The following CHMP5 variants were observed in gnomAD, a reference collection of about 807,000 sequenced individuals.
CHMP5 encodes the protein charged multivesicular body protein 5.
A neutral mutation model predicts 33.0 loss-of-function variants in CHMP5; 17 were observed. The ratio of observed to expected loss-of-function variants is 0.52; its 90% confidence interval spans 0.35 to 0.77. CHMP5 has a LOEUF of 0.77. Among genes scored for constraint, CHMP5 ranks in the 30% least tolerant of loss-of-function variants. The pLI is 0.01. For synonymous variants in CHMP5, 76 were observed against 90.2 expected (o/e 0.84, Z 0.89); for missense variants, 216 against 261.5 (o/e 0.83, Z 1.20).
intron 7 of CHMP5, 102 bp from the exon 8 acceptor site, chr9:33,280,706 AT>A: frequency 5.4e-6 from 6 of 1,104,562 alleles, no homozygotes; most frequent in Non-Finnish European, 7.9e-6. Context: ...GTTTTGATTG[AT>A]TAAATACTTG....
At chr9:33,266,620 A>T (rs1326120006) in intron 2 of CHMP5, among the ~76,000 whole-genome samples, 3 of 152,222 alleles carry the variant, frequency 2.0e-5, no homozygotes, top group Non-Finnish European at 4.4e-5. Context: ...CTGGGGATTG[A>T]TCTGGTGGAA....
chr9:33,271,373 G>A (rs1315878099), intron 5 of CHMP5, 150 bp downstream of exon 5: 24 of 653,890 alleles, frequency 3.7e-5, no homozygotes, highest in Non-Finnish European at 5.7e-5. Flanking sequence ...GGTACCAAAT[G>A]TCTCAGTTTC....
At position 33,266,226 on chromosome 9, in the gene CHMP5, ACTTTGGGAGG is replaced by A; in HGVS notation, c.174+115_174+124del. On this transcript the variant is annotated intron_variant, in intron 2 of 7. Coordinates refer to ENST00000223500, the MANE Select transcript of CHMP5 (RefSeq NM_016410.6). ...AGTGGCTCATGCATGTAATCCCAGC[ACTTTGGGAGG>A]CTGAGGCGGGTGGATCACGAGGTCA... The A allele has an allele frequency of 5.0e-6, 3 of 598,462 alleles. No homozygotes were observed. In the South Asian group the frequency reaches 5.5e-5, roughly 11 times the overall value. 37.1% of individuals were successfully genotyped at this position (598,462 alleles called of 1,614,324 possible).
At chr9:33,279,715 T>A (rs758158017) in intron 7 of CHMP5, among the ~76,000 whole-genome samples, 9 of 151,550 alleles carry the variant, frequency 5.9e-5, no homozygotes, top group Admixed American at 5.9e-4. Flanking sequence ...TATAAAAAAT[T>A]AGCTGGGCGT....
At chr9:33,279,034 G>A (rs1820888506) in intron 7 of CHMP5, among the ~76,000 whole-genome samples, 1 of 151,962 alleles carries the variant, frequency 6.6e-6, no homozygotes, top group Non-Finnish European at 1.5e-5. Context: ...AGCAATCCTC[G>A]TGCCTCAGCC....
At chr9:33,266,143 G>C (rs760160005) in intron 2 of CHMP5, 29 bp downstream of exon 2, 4 of 1,494,008 alleles carry the variant, frequency 2.7e-6, no homozygotes, top group Non-Finnish European at 3.7e-6. Flanking sequence ...GCTGCACAAG[G>C]TGCTGGCAGA....
chr9:33,266,529 T>C (rs1054188842), intron 2 of CHMP5, among the ~76,000 whole-genome samples: 44 of 152,128 alleles, frequency 2.9e-4, no homozygotes, highest in African/African-American at 9.7e-4. Context: ...ACAGAAGAGA[T>C]GCTTACAGTC....
chr9:33,281,102 G>T lies in CHMP5; in HGVS notation c.*243G>T. On this transcript the variant is annotated 3_prime_UTR_variant, in exon 8 of 8. Transcript: ENST00000223500. ...CGAACTCAGTTTAAAAGTATTTTTAGCTCGTATGACTTGTTTTCATTCATT... is the reference window on the plus strand; with the variant it reads ...CGAACTCAGTTTAAAAGTATTTTTATCTCGTATGACTTGTTTTCATTCATT... 1 of 415,986 alleles carries T rather than the reference G, an allele frequency of 2.4e-6. No individual in the cohort carries two copies. 25.8% of individuals were successfully genotyped at this position (415,986 alleles called of 1,614,324 possible). A position where few individuals can be genotyped will look rare whatever the true frequency, so the allele number is the denominator to read the frequency against.
chr9:33,265,291 C>T (rs1163762375), intron 1 of CHMP5, 144 bp downstream of exon 1: 1 of 755,912 alleles, frequency 1.3e-6, no homozygotes, highest in Non-Finnish European at 2.3e-6. Context: ...CACCTTCTCC[C>T]CTTCATCCCT....
chr9:33,277,424 G>A (rs1308320385), intron 6 of CHMP5, among the ~76,000 whole-genome samples: 1 of 152,106 alleles, frequency 6.6e-6, no homozygotes, highest in Non-Finnish European at 1.5e-5. Flanking sequence ...CATACTAAGG[G>A]ACTCTAACCT....
At chr9:33,265,411 C>T (rs994686752) in intron 1 of CHMP5, among the ~76,000 whole-genome samples, 1 of 152,102 alleles carries the variant, frequency 6.6e-6, no homozygotes, top group African/African-American at 2.4e-5. Flanking sequence ...TCCACTCGCT[C>T]TCGCCTTGAT....
At chr9:33,268,518 G>A (rs775571767) in intron 3 of CHMP5, among the ~76,000 whole-genome samples, 2 of 152,172 alleles carry the variant, frequency 1.3e-5, no homozygotes, top group African/African-American at 2.4e-5. Context: ...TAGCTATCGA[G>A]GAGCCAGAAA....
rs189908592 is a variant in CHMP5 at position 33,276,715 on chromosome 9, C to A, written c.496+151C>A. 3.2e-5 allele frequency: 19 copies of A among 589,880 alleles called. No homozygotes were observed. In the Admixed American group the frequency reaches 3.8e-4, roughly 12 times the overall value. 36.5% of individuals were successfully genotyped at this position (589,880 alleles called of 1,614,324 possible). A position where few individuals can be genotyped will look rare whatever the true frequency, so the allele number is the denominator to read the frequency against. ...GTCCCTGGGCAAAGAGCTTGTGAGG[C>A]AGCCACATCAGATTGCATACTCCAC... On this transcript the variant is annotated intron_variant, in intron 6 of 7. Coordinates refer to ENST00000223500, the MANE Select transcript of CHMP5 (RefSeq NM_016410.6).
intron 5 of CHMP5, among the ~76,000 whole-genome samples, chr9:33,274,453 C>G (rs548801591): frequency 1.3e-5 from 2 of 152,280 alleles, no homozygotes; most frequent in East Asian, 1.9e-4. Flanking sequence ...TTTATCAACA[C>G]TAGTTCTGTT....
intron 6 of CHMP5, among the ~76,000 whole-genome samples, chr9:33,276,932 G>A (rs1039404837): frequency 2.0e-5 from 3 of 151,978 alleles, no homozygotes; most frequent in African/African-American, 4.8e-5. Flanking sequence ...TTAGGGCCAG[G>A]TGCCCTAATC....
intron 2 of CHMP5, among the ~76,000 whole-genome samples, chr9:33,266,469 C>G (rs934512331): frequency 4.0e-5 from 6 of 151,582 alleles, no homozygotes; most frequent in Admixed American, 2.0e-4. Context: ...GAGACTCCGT[C>G]TCAAAAAATA....
chr9:33,277,363 A>C (rs746600261), intron 6 of CHMP5, among the ~76,000 whole-genome samples: 1 of 152,178 alleles, frequency 6.6e-6, no homozygotes, highest in Non-Finnish European at 1.5e-5. Flanking sequence ...TCAAGTAATT[A>C]ATTACTAGAG....
In CHMP5 at chr9:33,276,442, A is replaced by G. The variant is rs578223223; in HGVS notation, c.388-14A>G. ...GGTAAATGAGAGAAAATCCTCTCAT[A>G]TATATTTCCGTAGGATTTACAAGAC... On this transcript the variant is annotated splice_polypyrimidine_tract_variant and intron_variant, in intron 5 of 7. Transcript: ENST00000223500. 1.4e-6 allele frequency: 2 copies of G among 1,432,998 alleles called. No individual in the cohort carries two copies. Among genetic ancestry groups the G allele is most frequent in the African/African-American group, 2.8e-5 (2 of 71,096 alleles). 88.8% of individuals were successfully genotyped at this position (1,432,998 alleles called of 1,614,324 possible).
intron 7 of CHMP5, 69 bp downstream of exon 7, chr9:33,278,294 G>A: frequency 3.2e-6 from 3 of 923,850 alleles, no homozygotes; most frequent in East Asian, 2.6e-5. Flanking sequence ...ATAAGTCTGG[G>A]AATCTAAAAG....
Sources: allele counts gnomAD v4.1 joint callset (sites outside exome capture counted in the v4.1 genomes callset), GRCh38; gene constraint gnomAD v4.1.1; transcripts MANE v1.5; gene names NCBI Gene and HGNC (gene_info 2026-07-23, HGNC 2026-07-21).